GAS2: variants seen among roughly 807,000 people sequenced by gnomAD.
GAS2 encodes growth arrest-specific protein 2.
In GAS2, 20 loss-of-function variants were observed where a neutral mutation model predicts 37.5. That is an observed-to-expected ratio of 0.53 (90% CI 0.37 to 0.77). The LOEUF is 0.77. Among genes scored for constraint, GAS2 ranks in the 30% least tolerant of loss-of-function variants. GAS2 has a pLI of 0.00. For missense variants in GAS2, 336 were observed against 373.4 expected (o/e 0.90, Z 0.82); for synonymous variants, 144 against 132.2 (o/e 1.09, Z -0.61).
chr11:22,763,918 G>A (rs905129823), intron 7 of GAS2, among the ~76,000 whole-genome samples: 3 of 152,090 alleles, frequency 2.0e-5, no homozygotes, highest in Non-Finnish European at 1.5e-5. Context: ...TTTAAAATGT[G>A]TTCAAATGCT....
At chr11:22,755,821 G>C (rs1360361972) in intron 6 of GAS2, 25 bp from the exon 7 acceptor site, 1 of 1,549,086 alleles carries the variant, frequency 6.5e-7, no homozygotes, top group Non-Finnish European at 8.9e-7. Context: ...TAAGACAAAT[G>C]AATGTGCCTG....
chr11:22,630,132 T>C (rs1858724271), intron 1 of GAS2, among the ~76,000 whole-genome samples: 1 of 152,170 alleles, frequency 6.6e-6, no homozygotes, highest in Admixed American at 6.5e-5. Context: ...TGTGCCATGT[T>C]GGTGTGCTGC....
intron 3 of GAS2, among the ~76,000 whole-genome samples, chr11:22,699,130 C>A (rs1850696734): frequency 1.3e-5 from 2 of 152,198 alleles, no homozygotes; most frequent in Admixed American, 6.6e-5. Flanking sequence ...GGTCTCAACA[C>A]CAATTCCAAA....
intron 1 of GAS2, among the ~76,000 whole-genome samples, chr11:22,631,419 C>T (rs1050652753): frequency 6.6e-6 from 1 of 151,924 alleles, no homozygotes; most frequent in Admixed American, 6.6e-5. Context: ...CGTTCCAATT[C>T]TTAGGGGGAA....
chr11:22,675,709 T>A (rs1425035096), intron 2 of GAS2, among the ~76,000 whole-genome samples: 1 of 152,106 alleles, frequency 6.6e-6, no homozygotes. Flanking sequence ...TTCCACTAAG[T>A]TTTTTATAGA....
At chr11:22,638,172 T>A (rs1858863206) in intron 1 of GAS2, among the ~76,000 whole-genome samples, 1 of 151,960 alleles carries the variant, frequency 6.6e-6, no homozygotes, top group African/African-American at 2.4e-5. Flanking sequence ...ACCACTAACA[T>A]CTTTATGGGC....
intron 7 of GAS2, among the ~76,000 whole-genome samples, chr11:22,796,744 T>TA (rs553424894): frequency 1.7e-3 from 252 of 152,214 alleles, no homozygotes; most frequent in African/African-American, 5.6e-3. Context: ...CATGGAGTGT[T>TA]AAACTTTGGC....
chr11:22,730,696 G>A (rs755057282), intron 4 of GAS2, among the ~76,000 whole-genome samples: 1 of 151,584 alleles, frequency 6.6e-6, no homozygotes, highest in South Asian at 2.1e-4. Flanking sequence ...GTATGTAGTT[G>A]ATCAGTCTAT....
intron 7 of GAS2, among the ~76,000 whole-genome samples, chr11:22,765,041 T>C (rs1459264489): frequency 2.6e-5 from 4 of 152,194 alleles, no homozygotes; most frequent in African/African-American, 7.2e-5. Flanking sequence ...TAAGGAAGCA[T>C]TGAAAAGTCA....
At chr11:22,767,935 T>A (rs1319190994) in intron 7 of GAS2, among the ~76,000 whole-genome samples, 1 of 152,244 alleles carries the variant, frequency 6.6e-6, no homozygotes, top group Non-Finnish European at 1.5e-5. Flanking sequence ...ACTTGACATT[T>A]TGAATTTCAC....
intron 7 of GAS2, among the ~76,000 whole-genome samples, chr11:22,790,016 A>G (rs1055589975): frequency 1.3e-5 from 2 of 152,160 alleles, no homozygotes; most frequent in African/African-American, 4.8e-5. Flanking sequence ...TGGTAAGCAC[A>G]TTTTCCTTCT....
intron 7 of GAS2, among the ~76,000 whole-genome samples, chr11:22,800,330 C>T (rs1564894655): frequency 6.6e-6 from 1 of 152,090 alleles, no homozygotes; most frequent in Non-Finnish European, 1.5e-5. Flanking sequence ...CTTACCCCTA[C>T]TACTTTCCCA....
chr11:22,675,404 T>C (rs2133890827), intron 2 of GAS2, among the ~76,000 whole-genome samples: 1 of 152,318 alleles, frequency 6.6e-6, no homozygotes, highest in South Asian at 2.1e-4. Context: ...TTTGCCCTAC[T>C]TTTACAGCAC....
intron 3 of GAS2, among the ~76,000 whole-genome samples, chr11:22,721,927 T>A (rs1182285662): frequency 6.6e-6 from 1 of 152,032 alleles, no homozygotes; most frequent in Non-Finnish European, 1.5e-5. Flanking sequence ...ATTTATGACC[T>A]TTTTTGAATG....
intron 3 of GAS2, among the ~76,000 whole-genome samples, chr11:22,710,929 A>C (rs1406895309): frequency 6.6e-6 from 1 of 152,210 alleles, no homozygotes; most frequent in Non-Finnish European, 1.5e-5. Flanking sequence ...AAAATGTTAA[A>C]ATCTACAATT....
chr11:22,700,440 G>C (rs976014089), intron 3 of GAS2, among the ~76,000 whole-genome samples: 1 of 152,128 alleles, frequency 6.6e-6, no homozygotes, highest in Non-Finnish European at 1.5e-5. Context: ...GACTTTTCCA[G>C]TCGTAAAGAC....
At chr11:22,725,231 A>G (rs1028995577) in intron 3 of GAS2, among the ~76,000 whole-genome samples, 1 of 152,054 alleles carries the variant, frequency 6.6e-6, no homozygotes, top group Non-Finnish European at 1.5e-5. Context: ...AAATTTTACG[A>G]GATGGTTAAC....
chr11:22,676,251 A>G (rs1849422405), intron 2 of GAS2, among the ~76,000 whole-genome samples: 1 of 152,166 alleles, frequency 6.6e-6, no homozygotes, highest in Non-Finnish European at 1.5e-5. Context: ...TAATTGATTC[A>G]TTCAGAGTGC....
chr11:22,714,571 A>G (rs1851569657), intron 3 of GAS2, among the ~76,000 whole-genome samples: 1 of 152,184 alleles, frequency 6.6e-6, no homozygotes, highest in Non-Finnish European at 1.5e-5. Flanking sequence ...CTGCAGAATA[A>G]AGATTCTTTT....
Sources: allele counts gnomAD v4.1 joint callset (sites outside exome capture counted in the v4.1 genomes callset), GRCh38; gene constraint gnomAD v4.1.1; transcripts MANE v1.5; gene names NCBI Gene and HGNC (gene_info 2026-07-23, HGNC 2026-07-21).